PRKG1: variants seen among roughly 807,000 people sequenced by gnomAD.
PRKG1 encodes cGMP-dependent protein kinase 1.
Under a neutral mutation model 88.1 loss-of-function variants are expected in PRKG1, and 35 were observed. The ratio of observed to expected loss-of-function variants is 0.40; its 90% CI spans 0.30 to 0.53. The LOEUF is 0.53. PRKG1 is among the 20% of genes least tolerant of loss of function. The pLI, the probability that PRKG1 is intolerant of heterozygous loss-of-function variation, is 0.59. For synonymous variants in PRKG1, 303 were observed against 292.5 expected (o/e 1.04, Z -0.37); for missense variants, 540 against 839.8 (o/e 0.64, Z 4.41).
Position 51,831,238 on chromosome 10 carries a change from C to T in PRKG1, c.698+26548C>T, listed in dbSNP as rs771049467. Among the ~76,000 whole-genome samples, 149 of 152,162 alleles carry T rather than the reference C, an allele frequency of 9.8e-4. 2 individuals carry two copies. In the Middle Eastern group the frequency reaches 0.017, roughly 17 times the overall value. On this transcript the variant is annotated intron_variant, in intron 4 of 17. Coordinates refer to ENST00000373980, the MANE Select transcript of PRKG1 (RefSeq NM_006258.4). ...ATTTAACCCTTAGCCCAAGGTATTT[C>T]AAACAATGTGTCACTTATTTATGTA...
chr10:51,444,484 T>A (rs1382311980), intron 2 of PRKG1, among the ~76,000 whole-genome samples: 1 of 151,902 alleles, frequency 6.6e-6, no homozygotes, highest in African/African-American at 2.4e-5. Context: ...ATCAAGTAAG[T>A]TCAAATGAAG....
chr10:52,239,235 TG>T (rs2132372799), intron 9 of PRKG1, among the ~76,000 whole-genome samples: 1 of 136,320 alleles, frequency 7.3e-6, no homozygotes, highest in East Asian at 2.2e-4. Context: ...GACAAGTTAG[TG>T]GGTGCAGCGC....
intron 3 of PRKG1, among the ~76,000 whole-genome samples, chr10:51,495,306 G>T (rs543448361): frequency 1.3e-5 from 2 of 152,272 alleles, no homozygotes; most frequent in East Asian, 3.9e-4. Context: ...TGTTGGTCAG[G>T]CTGGTCTTAG....
Position 51,316,356 on chromosome 10 carries a change from G to T in PRKG1, c.479-151367G>T, listed in dbSNP as rs150958467. Among the ~76,000 whole-genome samples, 908 of 152,320 alleles carry T rather than the reference G, an allele frequency of 6.0e-3. 6 individuals carry two copies. The highest frequency in any genetic ancestry group is 0.021 in the African/African-American group (860 of 41,568). On this transcript the variant is annotated intron_variant, in intron 2 of 17. Transcript: ENST00000373980. ...GCTTTATTACTTTATAGAATGAAGA[G>T]TTCTTAAATCATGTAAGGAATATTT... is the stretch of plus-strand genomic sequence containing the variant.
At chr10:52,139,656 AACT>A (rs1354502636) in intron 8 of PRKG1, among the ~76,000 whole-genome samples, 2 of 152,096 alleles carry the variant, frequency 1.3e-5, no homozygotes, top group Non-Finnish European at 2.9e-5. Context: ...GTATTTATGT[AACT>A]CTTCTCAGGG....
chr10:51,865,367 A>G (rs947270101), intron 4 of PRKG1, among the ~76,000 whole-genome samples: 14 of 152,070 alleles, frequency 9.2e-5, no homozygotes, highest in African/African-American at 3.4e-4. Context: ...ATAATTTACA[A>G]CAAGGCATTA....
rs566210830 is a variant in PRKG1, at chr10:51,269,555, G to A, written c.478+116225G>A. On this transcript the variant is annotated intron_variant, in intron 2 of 17. Coordinates refer to ENST00000373980, the MANE Select transcript of PRKG1 (RefSeq NM_006258.4). The stretch of plus-strand genomic sequence containing the variant: ...AGCCATAAAATGGAATGAAATAATG[G>A]CATTTGCAGCAACTTGGATGGAGTT... Among the ~76,000 whole-genome samples, 3 of 152,282 alleles carry A rather than the reference G, an allele frequency of 2.0e-5. No homozygotes were observed. In the South Asian group the frequency reaches 6.2e-4, roughly 32 times the overall value.
chr10:51,555,331 G>A (rs551538381), intron 3 of PRKG1, among the ~76,000 whole-genome samples: 51 of 151,948 alleles, frequency 3.4e-4, no homozygotes, highest in Non-Finnish European at 5.0e-4. Context: ...TTGGCATTTT[G>A]TATTTTTTCA....
At chr10:51,922,883 A>G (rs1398683705) in intron 5 of PRKG1, among the ~76,000 whole-genome samples, 10 of 152,062 alleles carry the variant, frequency 6.6e-5, no homozygotes, top group Non-Finnish European at 1.3e-4. Context: ...GTTGGATGAC[A>G]TATTCTAAAA....
intron 2 of PRKG1, among the ~76,000 whole-genome samples, chr10:51,282,806 C>T (rs1252467988): frequency 6.6e-6 from 1 of 151,774 alleles, no homozygotes; most frequent in African/African-American, 2.4e-5. Context: ...CCAGGGTACC[C>T]ATCTTGCTGA....
At chr10:51,106,185 G>A (rs867767435) in intron 1 of PRKG1, among the ~76,000 whole-genome samples, 43 of 152,196 alleles carry the variant, frequency 2.8e-4, no homozygotes, top group African/African-American at 8.0e-4. Context: ...TTTCCTTAAT[G>A]TAAAATAGCA....
At chr10:51,081,151 C>T (rs925877724) in intron 1 of PRKG1, among the ~76,000 whole-genome samples, 1 of 152,012 alleles carries the variant, frequency 6.6e-6, no homozygotes, top group African/African-American at 2.4e-5. Flanking sequence ...GACTCCATAT[C>T]TTGTCTTTTT....
chr10:51,265,462 C>A (rs747476718), intron 2 of PRKG1, among the ~76,000 whole-genome samples: 1 of 152,104 alleles, frequency 6.6e-6, no homozygotes, highest in Non-Finnish European at 1.5e-5. Flanking sequence ...ATGGGAATCT[C>A]TTATTTTAAG....
At chr10:51,651,739 A>G (rs1840044436) in intron 3 of PRKG1, among the ~76,000 whole-genome samples, 1 of 151,900 alleles carries the variant, frequency 6.6e-6, no homozygotes, top group East Asian at 1.9e-4. Context: ...GCACGTCACC[A>G]TGCCCAGCTA....
At chr10:51,249,386 A>C (rs547928729) in intron 2 of PRKG1, among the ~76,000 whole-genome samples, 134 of 152,016 alleles carry the variant, frequency 8.8e-4, no homozygotes, top group African/African-American at 3.0e-3. Flanking sequence ...GAACATGTGA[A>C]TGCCATAGGA....
intron 3 of PRKG1, among the ~76,000 whole-genome samples, chr10:51,702,269 A>G (rs1841487982): frequency 6.6e-6 from 1 of 152,120 alleles, no homozygotes; most frequent in African/African-American, 2.4e-5. Flanking sequence ...CACTGTTCCA[A>G]ACTAGAAGAA....
At chr10:51,510,358 C>G (rs759746433) in intron 3 of PRKG1, among the ~76,000 whole-genome samples, 1 of 152,114 alleles carries the variant, frequency 6.6e-6, no homozygotes, top group South Asian at 2.1e-4. Context: ...AAAATCTACT[C>G]TCTTAGCAAA....
intron 3 of PRKG1, among the ~76,000 whole-genome samples, chr10:51,788,998 T>A (rs114370071): frequency 6.6e-6 from 1 of 152,314 alleles, no homozygotes; most frequent in African/African-American, 2.4e-5. Flanking sequence ...TTTGGGAGAA[T>A]ACATTTTAAT....
chr10:51,265,516 T>TTTATTTTATTTTATTTTA (rs1258916798), intron 2 of PRKG1, among the ~76,000 whole-genome samples: 1 of 152,058 alleles, frequency 6.6e-6, no homozygotes, highest in African/African-American at 2.4e-5. Flanking sequence ...AGTAGTTACA[T>TTTATTTTATTTTATTTTA]TTATTTTATT....
Sources: gnomAD v4.1 joint callset for allele counts (sites outside exome capture counted in the v4.1 genomes callset) on GRCh38, gnomAD v4.1.1 for gene constraint, MANE v1.5 for transcripts, NCBI Gene and HGNC (gene_info 2026-07-23, HGNC 2026-07-21) for gene names.